Variants in SLC7A1 observed in about 807,000 individuals in gnomAD.
SLC7A1 encodes the protein high affinity cationic amino acid transporter 1.
A neutral mutation model predicts 53.9 loss-of-function variants in SLC7A1; 10 were observed. The ratio of observed to expected loss-of-function variants is 0.19; its 90% CI spans 0.11 to 0.31. The LOEUF is 0.31. Ranked by LOEUF, SLC7A1 falls within the 10% of genes least tolerant of loss-of-function variation. SLC7A1 has a pLI of 1.00. For missense variants in SLC7A1, 525 were observed against 827.2 expected, an observed-to-expected ratio of 0.63 and a Z score of 4.48; for synonymous variants, 342 against 338.7, an observed-to-expected ratio of 1.01 and a Z score of -0.11.
intron 3 of SLC7A1, among the ~76,000 whole-genome samples, chr13:29,535,342 T>G (rs1869357354): frequency 6.6e-6 from 1 of 152,232 alleles, no homozygotes; most frequent in Non-Finnish European, 1.5e-5. Context: ...ATATATTGTT[T>G]TATAAAGAGA....
Position 29,536,161 on chromosome 13 carries a change from C to T in SLC7A1, c.28G>A (p.Gly10Arg). 1 of 1,613,738 alleles carries T rather than the reference C, an allele frequency of 6.2e-7. No individual in the cohort carries two copies. The highest frequency in any genetic ancestry group is 8.5e-7 in the Non-Finnish European group (1 of 1,179,848). MGCKVLLNI[G>R]QQMLRRKVVD... The stretch of plus-strand genomic sequence containing the variant: ...ACCTTCCGCCGCAGCATCTGCTGCC[C>T]AATGTTGAGCAGGACTTTGCACCCC... Residue 10 changes from glycine to arginine, a missense_variant, in exon 3 of 13, where the codon GGG becomes AGG. Gly to Arg is a moderately radical substitution (Grantham distance 125). This residue lies in a region of SLC7A1 where 354 missense variants were observed against 587.5 expected (regional missense o/e 0.60). Transcript: ENST00000380752.
intron 1 of SLC7A1, among the ~76,000 whole-genome samples, chr13:29,565,798 T>G (rs1228376506): frequency 6.6e-6 from 1 of 152,112 alleles, no homozygotes; most frequent in Non-Finnish European, 1.5e-5. Flanking sequence ...ACCTTACCAT[T>G]TCCCTGCTCC....
chr13:29,589,939 GC>G (rs1374495063), intron 1 of SLC7A1, among the ~76,000 whole-genome samples: 2 of 152,184 alleles, frequency 1.3e-5, no homozygotes, highest in African/African-American at 2.4e-5. Flanking sequence ...CATAGATAAA[GC>G]GCAGAGTACA....
intron 3 of SLC7A1, among the ~76,000 whole-genome samples, chr13:29,534,719 G>A (rs1869327566): frequency 6.6e-6 from 1 of 152,108 alleles, no homozygotes; most frequent in South Asian, 2.1e-4. Flanking sequence ...GGGGTCCAGT[G>A]GGAGCTGACA....
At chr13:29,594,572 C>A (rs1872230216) in intron 1 of SLC7A1, among the ~76,000 whole-genome samples, 1 of 152,198 alleles carries the variant, frequency 6.6e-6, no homozygotes, top group Non-Finnish European at 1.5e-5. Flanking sequence ...CTCTGACCTG[C>A]CCATGCCTGG....
intron 2 of SLC7A1, among the ~76,000 whole-genome samples, 167 bp from the exon 3 acceptor site, chr13:29,536,369 A>C (rs941406607): frequency 2.0e-5 from 3 of 152,224 alleles, no homozygotes; most frequent in African/African-American, 7.2e-5. Context: ...AAGCACGCAG[A>C]CTTCTCCAGT....
chr13:29,557,427 T>C (rs1285587285), intron 1 of SLC7A1, among the ~76,000 whole-genome samples: 2 of 152,152 alleles, frequency 1.3e-5, no homozygotes, highest in Non-Finnish European at 2.9e-5. Context: ...GATAGCCTAC[T>C]GCACACCTAG....
At chr13:29,589,177 G>A (rs1872003882) in intron 1 of SLC7A1, among the ~76,000 whole-genome samples, 1 of 152,234 alleles carries the variant, frequency 6.6e-6, no homozygotes. Context: ...GCAAGATATT[G>A]TAGAAATCAG....
At position 29,517,693 on chromosome 13, in the gene SLC7A1, A is replaced by C; in HGVS notation, c.1390T>G (p.Ser464Ala). 1 of 1,614,224 alleles carries C rather than the reference A, an allele frequency of 6.2e-7. No homozygotes were observed. Among genetic ancestry groups the C allele is most frequent in the Non-Finnish European group, 8.5e-7 (1 of 1,180,032 alleles). The part of the protein sequence containing the change: ...DQNELASTND[S>A]QLGFLPEAEM... ...GCCTCTGGTAAAAAGCCCAGCTGGG[A>C]ATCATTGGTGCTTGCCAATTCATTT... Residue 464 changes from serine to alanine, a missense_variant, in exon 10 of 13, where the codon TCC becomes GCC. Physicochemically the swap from Ser to Ala is moderately conservative, Grantham distance 99. This residue lies in a region of SLC7A1 where 122 missense variants were observed against 140.9 expected (regional missense o/e 0.87). Transcript: ENST00000380752.
chr13:29,541,426 C>G (rs1210140632), intron 2 of SLC7A1, among the ~76,000 whole-genome samples: 1 of 152,154 alleles, frequency 6.6e-6, no homozygotes, highest in African/African-American at 2.4e-5. Context: ...TCATAACTGA[C>G]CTAACAGGGA....
At chr13:29,557,142 A>G (rs940578220) in intron 1 of SLC7A1, among the ~76,000 whole-genome samples, 18 of 152,236 alleles carry the variant, frequency 1.2e-4, no homozygotes, top group African/African-American at 4.3e-4. Flanking sequence ...TTAAAAGCAG[A>G]GTAATGCAAT....
chr13:29,590,450 G>A (rs1475991769), intron 1 of SLC7A1, among the ~76,000 whole-genome samples: 1 of 151,986 alleles, frequency 6.6e-6, no homozygotes, highest in African/African-American at 2.4e-5. Context: ...CTAAGAAAGG[G>A]GCTGAGAGCT....
At chr13:29,535,675 T>G in intron 3 of SLC7A1, 144 bp downstream of exon 3, 2 of 789,902 alleles carry the variant, frequency 2.5e-6, no homozygotes, top group Non-Finnish European at 2.0e-6. Context: ...TAAATACCTC[T>G]AAATGAATCA....
intron 4 of SLC7A1, among the ~76,000 whole-genome samples, chr13:29,531,494 A>G (rs1041730555): frequency 2.6e-5 from 4 of 152,198 alleles, no homozygotes; most frequent in African/African-American, 7.2e-5. Context: ...CCACTCGAAC[A>G]CAGCCAGGAT....
In SLC7A1 at chr13:29,523,388, C is replaced by T. The variant is rs1267297509; in HGVS notation, c.927G>A (p.Thr309=). Residue 309 remains threonine (T), a synonymous_variant, in exon 7 of 13, where the codon ACG becomes ACA. Coordinates refer to ENST00000380752, the MANE Select transcript of SLC7A1 (RefSeq NM_003045.5). The stretch of plus-strand genomic sequence containing the variant: ...CCAGGCAGAAGTAGGGCATCATGAG[C>T]GTGAGGGCAGCCGACACCCCAAAGT... The part of the protein sequence containing the change: ...IAYFGVSAAL[T]LMMPYFCLDN... 5.0e-6 allele frequency: 8 copies of T among 1,613,768 alleles called. No individual in the cohort carries two copies. The highest frequency in any genetic ancestry group is 2.2e-5 in the East Asian group (1 of 44,852).
chr13:29,570,688 C>T (rs1478305647), intron 1 of SLC7A1, among the ~76,000 whole-genome samples: 2 of 151,906 alleles, frequency 1.3e-5, no homozygotes, highest in East Asian at 1.9e-4. Context: ...CAAGTCTCTA[C>T]AAAATACAGG....
chr13:29,535,432 C>G (rs2150693), intron 3 of SLC7A1, among the ~76,000 whole-genome samples: 112,525 of 152,146 alleles, frequency 0.74, 42,983 homozygotes, highest in Non-Finnish European at 0.85. Flanking sequence ...CTTCTGAACA[C>G]AGAGTGTCTT....
In SLC7A1 at chr13:29,535,955, C is replaced by T. The variant is rs1869396152; in HGVS notation, c.234G>A (p.Val78=). The T allele has an allele frequency of 4.3e-6, 7 of 1,614,054 alleles. No homozygotes were observed. Among genetic ancestry groups the T allele is most frequent in the Non-Finnish European group, 5.9e-6 (7 of 1,180,056 alleles). ...ACTCGCCATAGCACAGGCCAGCCAG[C>T]ACTGAGGCCAGCGCAGCGATCAGGA... ...ISFLIAALAS[V]LAGLCYGEFG... Residue 78 remains valine (V), a synonymous_variant, in exon 3 of 13, where the codon GTG becomes GTA. Coordinates refer to ENST00000380752, the MANE Select transcript of SLC7A1 (RefSeq NM_003045.5).
chr13:29,554,677 A>G (rs1443520254), intron 1 of SLC7A1, among the ~76,000 whole-genome samples: 1 of 152,234 alleles, frequency 6.6e-6, no homozygotes, highest in African/African-American at 2.4e-5. Context: ...TTTGCACCTA[A>G]TGTGAACCCA....
Sources: gnomAD v4.1 joint callset for allele counts (sites outside exome capture counted in the v4.1 genomes callset) on GRCh38, gnomAD v4.1.1 for gene constraint, gnomAD v4.1.1 regional missense constraint, MANE v1.5 for transcripts, NCBI Gene and HGNC (gene_info 2026-07-23, HGNC 2026-07-21) for gene names.